Variants in MECOM observed in about 807,000 individuals in gnomAD.
MECOM encodes the protein MDS1 and EVI1 complex locus.
A neutral mutation model predicts 116.3 loss-of-function variants in MECOM; 13 were observed. The ratio of observed to expected loss-of-function variants is 0.11; its 90% CI spans 0.07 to 0.18. The LOEUF (loss-of-function observed/expected upper bound fraction) is 0.18, where lower values mean the gene tolerates loss of function less well. Among genes scored for constraint, MECOM ranks in the 10% least tolerant of loss-of-function variants. The pLI is 1.00. For synonymous variants in MECOM, 528 were observed against 535.2 expected, an observed-to-expected ratio of 0.99 and a Z score of 0.19; for missense variants, 1,299 against 1,509.0, an observed-to-expected ratio of 0.86 and a Z score of 2.31.
At chr3:169,112,069 A>C (rs1216344614) in intron 9 of MECOM, among the ~76,000 whole-genome samples, 1 of 152,136 alleles carries the variant, frequency 6.6e-6, no homozygotes, top group East Asian at 1.9e-4. Context: ...AACCACATTC[A>C]AGATGTTTAT....
At chr3:169,281,250 C>T (rs1348009841) in intron 2 of MECOM, among the ~76,000 whole-genome samples, 9 of 152,108 alleles carry the variant, frequency 5.9e-5, no homozygotes, top group Non-Finnish European at 1.0e-4. Context: ...TTCACATTGC[C>T]ATCTGAGGAG....
chr3:169,140,238 T>C (rs1737696932), intron 3 of MECOM, among the ~76,000 whole-genome samples: 1 of 152,024 alleles, frequency 6.6e-6, no homozygotes, highest in African/African-American at 2.4e-5. Context: ...TATTTAAGCA[T>C]TGTCTGTCTC....
Position 169,223,354 on chromosome 3 carries a change from C to G in MECOM, c.376-79522G>C, listed in dbSNP as rs1752357307. On this transcript the variant is annotated intron_variant, in intron 2 of 16. Transcript: ENST00000651503. ...CCTGTGTCCAAGTGTTCTCATTGTT[C>G]AATTCCCACCTATGAGTGAGAACAT... is the stretch of plus-strand genomic sequence containing the variant. Among the ~76,000 whole-genome samples, 3 of 136,296 alleles carry G rather than the reference C, an allele frequency of 2.2e-5. No homozygotes were observed. In the South Asian group the frequency reaches 7.0e-4, roughly 32 times the overall value. 89.4% of individuals were successfully genotyped at this position (136,296 alleles called of 152,430 possible).
At chr3:169,549,272 G>A (rs937351467) in intron 1 of MECOM, among the ~76,000 whole-genome samples, 5 of 151,938 alleles carry the variant, frequency 3.3e-5, no homozygotes, top group Non-Finnish European at 7.4e-5. Flanking sequence ...GTGCCCGGCC[G>A]ACACTTGTCT....
intron 1 of MECOM, among the ~76,000 whole-genome samples, chr3:169,654,012 AT>A (rs1775230324): frequency 6.6e-6 from 1 of 152,238 alleles, no homozygotes; most frequent in Admixed American, 6.5e-5. Context: ...GTGATAACTC[AT>A]TGATAATGCT....
At position 169,100,101 on chromosome 3, in the gene MECOM, C is replaced by CTTTTT. The variant is rs869032341; in HGVS notation, c.2849+779_2849+783dup. Among the ~76,000 whole-genome samples, 255 of 50,638 alleles carry CTTTTT rather than the reference C, an allele frequency of 5.0e-3. 5 individuals are homozygous for CTTTTT. The highest frequency in any genetic ancestry group is 8.9e-3 in the African/African-American group (122 of 13,736). 33.2% of individuals were successfully genotyped at this position (50,638 alleles called of 152,430 possible). A position where few individuals can be genotyped will look rare whatever the true frequency, so the allele number is the denominator to read the frequency against. On this transcript the variant is annotated intron_variant, in intron 12 of 16. Transcript: ENST00000651503. ...TTTTTCTTTCTTTCTTTCTTTCTTTCTTTTTTTTTTTTTTTTTGACAGAGT... is the reference window on the plus strand; with the variant it reads ...TTTTTCTTTCTTTCTTTCTTTCTTTCTTTTTTTTTTTTTTTTTTTTTTGACAGAGT...
chr3:169,199,498 C>T (rs1325859393), intron 2 of MECOM, among the ~76,000 whole-genome samples: 1 of 152,062 alleles, frequency 6.6e-6, no homozygotes, highest in East Asian at 1.9e-4. Flanking sequence ...ATTACAGTCT[C>T]AAACTCCTGG....
intron 2 of MECOM, among the ~76,000 whole-genome samples, chr3:169,311,236 A>G (rs773515988): frequency 3.3e-4 from 50 of 152,204 alleles, no homozygotes; most frequent in South Asian, 8.3e-4. Flanking sequence ...AAAGGAAAAT[A>G]TTTATCAGGA....
At chr3:169,593,661 A>T (rs1766706260) in intron 1 of MECOM, among the ~76,000 whole-genome samples, 1 of 152,192 alleles carries the variant, frequency 6.6e-6, no homozygotes, top group African/African-American at 2.4e-5. Flanking sequence ...GCTGAGAACC[A>T]CTGGCTCTAC....
intron 1 of MECOM, among the ~76,000 whole-genome samples, chr3:169,469,676 C>T (rs1431802711): frequency 6.6e-6 from 1 of 152,062 alleles, no homozygotes; most frequent in African/African-American, 2.4e-5. Context: ...AACTCTGTGT[C>T]CACAGAGATA....
chr3:169,440,746 T>C (rs1031061527), intron 1 of MECOM, among the ~76,000 whole-genome samples: 4 of 152,154 alleles, frequency 2.6e-5, no homozygotes, highest in African/African-American at 9.7e-5. Flanking sequence ...AACTTCTCTT[T>C]CCCCTTCATA....
intron 1 of MECOM, among the ~76,000 whole-genome samples, chr3:169,507,450 C>T (rs1298928276): frequency 6.6e-6 from 1 of 152,012 alleles, no homozygotes; most frequent in Non-Finnish European, 1.5e-5. Context: ...TACAGCCGTC[C>T]CTCTTAGTAG....
chr3:169,212,993 G>C (rs947011259), intron 2 of MECOM, among the ~76,000 whole-genome samples: 2 of 151,362 alleles, frequency 1.3e-5, no homozygotes, highest in Non-Finnish European at 2.9e-5. Flanking sequence ...ATTATCCTCA[G>C]GCATTTACTG....
intron 2 of MECOM, among the ~76,000 whole-genome samples, chr3:169,329,951 T>C (rs755150697): frequency 2.0e-4 from 30 of 152,316 alleles, no homozygotes; most frequent in Non-Finnish European, 2.9e-4. Flanking sequence ...ACAAAGTGTT[T>C]TGTGTGTCAG....
intron 2 of MECOM, among the ~76,000 whole-genome samples, chr3:169,176,949 T>G (rs892381910): frequency 2.6e-5 from 4 of 152,136 alleles, no homozygotes; most frequent in Non-Finnish European, 5.9e-5. Flanking sequence ...TGGCGATTAT[T>G]TAAAAGTCAA....
chr3:169,454,374 A>G (rs1050829318), intron 1 of MECOM, among the ~76,000 whole-genome samples: 30 of 138,664 alleles, frequency 2.2e-4, no homozygotes, highest in African/African-American at 7.8e-4. Flanking sequence ...ATGGTAATGT[A>G]GCAACTTTCT....
intron 5 of MECOM, among the ~76,000 whole-genome samples, chr3:169,126,101 A>C (rs1047215405): frequency 2.0e-5 from 3 of 152,132 alleles, no homozygotes; most frequent in Non-Finnish European, 4.4e-5. Context: ...AATGTTGAGA[A>C]TTCATGCAAT....
At chr3:169,334,669 C>T (rs1577751407) in intron 2 of MECOM, among the ~76,000 whole-genome samples, 1 of 152,248 alleles carries the variant, frequency 6.6e-6, no homozygotes, top group Admixed American at 6.5e-5. Flanking sequence ...ATTTCCAACT[C>T]ATCTGTGATT....
intron 2 of MECOM, among the ~76,000 whole-genome samples, chr3:169,369,455 T>A (rs1490643563): frequency 1.4e-5 from 2 of 145,690 alleles, no homozygotes; most frequent in Non-Finnish European, 3.0e-5. Context: ...CAAGCAATCT[T>A]CCTGCCTCAG....
Sources: allele counts gnomAD v4.1 joint callset (sites outside exome capture counted in the v4.1 genomes callset), GRCh38; gene constraint gnomAD v4.1.1; transcripts MANE v1.5; gene names NCBI Gene and HGNC (gene_info 2026-07-23, HGNC 2026-07-21).